The following COL19A1 variants were observed in gnomAD, a reference collection of about 807,000 sequenced individuals.
COL19A1 encodes the protein collagen type XIX alpha 1 chain.
In COL19A1, 159 loss-of-function variants were observed where a neutral mutation model predicts 190.2. That is an observed-to-expected ratio of 0.84 (90% CI 0.73 to 0.95). The LOEUF (loss-of-function observed/expected upper bound fraction) is 0.95, where lower values mean the gene tolerates loss of function less well. Among genes scored for constraint, COL19A1 ranks in the 40% least tolerant of loss-of-function variants. The pLI is 0.00. For synonymous variants in COL19A1, 509 were observed against 458.9 expected (o/e 1.11, Z -1.39); for missense variants, 1,418 against 1,431.9 (o/e 0.99, Z 0.16).
intron 2 of COL19A1, among the ~76,000 whole-genome samples, chr6:69,897,982 A>AG (rs1769906413): frequency 6.6e-6 from 1 of 152,128 alleles, no homozygotes; most frequent in South Asian, 2.1e-4. Context: ...ACCATGCCTG[A>AG]GGTCTGTGAT....
At chr6:69,990,656 T>C (rs1776567335) in intron 11 of COL19A1, among the ~76,000 whole-genome samples, 1 of 152,032 alleles carries the variant, frequency 6.6e-6, no homozygotes, top group African/African-American at 2.4e-5. Flanking sequence ...TATGTTCCTC[T>C]CTCCTCTGTG....
intron 11 of COL19A1, among the ~76,000 whole-genome samples, chr6:69,983,307 A>G (rs560805143): frequency 2.6e-5 from 4 of 152,160 alleles, no homozygotes; most frequent in African/African-American, 9.6e-5. Flanking sequence ...TTAACTTCCA[A>G]TTGCTTCTAG....
chr6:69,992,294 G>C (rs971658582), intron 11 of COL19A1, among the ~76,000 whole-genome samples: 1 of 151,782 alleles, frequency 6.6e-6, no homozygotes, highest in Non-Finnish European at 1.5e-5. Context: ...TGAACTTGTA[G>C]TATAGTTTGA....
At chr6:69,888,964 G>A (rs1386577644) in intron 2 of COL19A1, among the ~76,000 whole-genome samples, 1 of 152,124 alleles carries the variant, frequency 6.6e-6, no homozygotes, top group African/African-American at 2.4e-5. Flanking sequence ...GTACAGGGGG[G>A]CTGAGGGGAA....
chr6:70,184,990 A>G (rs1766416813), intron 46 of COL19A1, 75 bp downstream of exon 46: 2 of 1,422,700 alleles, frequency 1.4e-6, no homozygotes, highest in Non-Finnish European at 1.9e-6. Flanking sequence ...TTACACAATT[A>G]TGTGTGTAGA....
rs1228080956 is a variant in COL19A1, at chr6:70,144,964, A to C, written c.1727A>C (p.Lys576Thr). 6.3e-7 allele frequency: 1 copy of C among 1,594,852 alleles called. No individual in the cohort carries two copies. Among genetic ancestry groups the C allele is most frequent in the Admixed American group, 1.7e-5 (1 of 58,274 alleles). The change falls in exon 25 of 51, where the codon AAA becomes ACA. Residue 576 changes from lysine to threonine, a missense_variant. Transcript: ENST00000620364. ...IIGPPGLPGP[K>T]GEAGPPGKSL... is the part of the protein sequence containing the mutation. Reference sequence around the variant, plus strand: ...GGCCCTCCCGGGCTTCCAGGTCCAAAAGGTGAGGCTGGTCCTCCAGGGAAA... The same window carrying C: ...GGCCCTCCCGGGCTTCCAGGTCCAACAGGTGAGGCTGGTCCTCCAGGGAAA...
chr6:70,183,087 G>T (rs1301301865), intron 44 of COL19A1, among the ~76,000 whole-genome samples: 1 of 152,138 alleles, frequency 6.6e-6, no homozygotes, highest in Admixed American at 6.5e-5. Context: ...ACAGGAAAAT[G>T]TGTGAAAGAG....
intron 16 of COL19A1, among the ~76,000 whole-genome samples, chr6:70,104,983 G>C (rs79856942): frequency 4.6e-5 from 7 of 152,106 alleles, no homozygotes; most frequent in Admixed American, 4.6e-4. Context: ...ATTCAATTCC[G>C]CAGACTTTAG....
chr6:70,107,304 C>A (rs60319887), intron 16 of COL19A1, among the ~76,000 whole-genome samples: 24,300 of 152,112 alleles, frequency 0.16, 2,005 homozygotes, highest in African/African-American at 0.18. Flanking sequence ...CTCCAGACAG[C>A]GAGATGGTAT....
At chr6:69,943,415 G>T (rs138527542) in intron 9 of COL19A1, among the ~76,000 whole-genome samples, 1 of 151,962 alleles carries the variant, frequency 6.6e-6, no homozygotes, top group African/African-American at 2.4e-5. Context: ...TTGCAATATG[G>T]TCCCATTTGT....
chr6:70,168,795 TG>T, intron 40 of COL19A1, 114 bp downstream of exon 40: 1 of 1,095,036 alleles, frequency 9.1e-7, no homozygotes, highest in Non-Finnish European at 1.4e-6. Flanking sequence ...ATTAACATGC[TG>T]GTGGTGACAA....
intron 10 of COL19A1, among the ~76,000 whole-genome samples, chr6:69,961,647 C>T (rs1774804372): frequency 6.6e-6 from 1 of 152,094 alleles, no homozygotes; most frequent in South Asian, 2.1e-4. Context: ...GACATATATT[C>T]TTTCCTGGTA....
intron 14 of COL19A1, among the ~76,000 whole-genome samples, chr6:70,039,161 C>A (rs1779506524): frequency 6.6e-6 from 1 of 152,116 alleles, no homozygotes; most frequent in Non-Finnish European, 1.5e-5. Flanking sequence ...ACCAATAAAG[C>A]CAGAATCTCC....
intron 11 of COL19A1, among the ~76,000 whole-genome samples, chr6:69,992,069 A>G (rs888128278): frequency 7.2e-5 from 11 of 151,930 alleles, no homozygotes; most frequent in Non-Finnish European, 1.3e-4. Context: ...TCTTAAGTTG[A>G]TTTTTATATA....
Position 70,168,200 on chromosome 6 carries a change from G to T in COL19A1, c.2526G>T (p.Gly842=). Residue 842 remains glycine, a synonymous_variant, in exon 39 of 51, where the codon GGG becomes GGT. Transcript: ENST00000620364. ...KGGVNVPSYP[G]PPGPPGPKGD... is the part of the protein sequence containing the mutation. The stretch of plus-strand genomic sequence containing the variant: ...GTGTGAATGTTCCCAGTTACCCAGG[G>T]CCACCCGGTCCTCCTGTAAGTACAG... The T allele has an allele frequency of 6.2e-7, 1 of 1,612,792 alleles. No individual in the cohort carries two copies. The highest frequency in any genetic ancestry group is 8.5e-7 in the Non-Finnish European group (1 of 1,179,422).
At chr6:70,113,631 A>G (rs117777627) in intron 16 of COL19A1, among the ~76,000 whole-genome samples, 344 of 152,208 alleles carry the variant, frequency 2.3e-3, no homozygotes, top group Non-Finnish European at 3.7e-3. Context: ...TGAAACCTCA[A>G]AAGTTATTTA....
chr6:70,173,192 A>G (rs1039512417), intron 41 of COL19A1, among the ~76,000 whole-genome samples: 3 of 152,228 alleles, frequency 2.0e-5, no homozygotes, highest in Non-Finnish European at 4.4e-5. Flanking sequence ...GATATCTGTT[A>G]GACAGCAAAG....
rs118090462 is a variant in COL19A1, at chr6:69,949,663, T to C, written c.937-10333T>C. ...AGAGAAAAATTATCAGTTCTTAACA[T>C]GTGTGTCACCTCAGGGCTTTGTATC... On this transcript the variant is annotated intron_variant, in intron 9 of 50. Coordinates refer to ENST00000620364, the MANE Select transcript of COL19A1 (RefSeq NM_001858.6). 3.5e-3 allele frequency among the ~76,000 whole-genome samples: 525 copies of C among 152,028 alleles called. 1 individual carries two copies. Among genetic ancestry groups the C allele is most frequent in the Admixed American group, 6.6e-3 (100 of 15,202 alleles).
At chr6:69,963,287 C>T (rs1774909061) in intron 11 of COL19A1, among the ~76,000 whole-genome samples, 1 of 152,040 alleles carries the variant, frequency 6.6e-6, no homozygotes, top group African/African-American at 2.4e-5. Flanking sequence ...GTCAGGATCC[C>T]ACAGAAAAGA....
Sources: allele counts gnomAD v4.1 joint callset (sites outside exome capture counted in the v4.1 genomes callset), GRCh38; gene constraint gnomAD v4.1.1; transcripts MANE v1.5; gene names NCBI Gene and HGNC (gene_info 2026-07-23, HGNC 2026-07-21).